AFAP1: variants seen among roughly 807,000 people sequenced by gnomAD.
AFAP1 encodes actin filament associated protein 1.
In AFAP1, 75 loss-of-function variants were observed where a neutral mutation model predicts 93.9. That is an observed-to-expected ratio of 0.80 (90% CI 0.66 to 0.97). The LOEUF (loss-of-function observed/expected upper bound fraction) is 0.97. Among genes scored for constraint, AFAP1 ranks in the 50% least tolerant of loss-of-function variants. The probability of loss-of-function intolerance (pLI) is 0.00; values close to 1 mark genes in which losing one functional copy is unlikely to be tolerated. For missense variants in AFAP1, 1,201 were observed against 1,050.8 expected (o/e 1.14, Z -1.98); for synonymous variants, 517 against 430.7 (o/e 1.20, Z -2.48).
At chr4:7,877,352 G>A (rs971267257) in intron 1 of AFAP1, among the ~76,000 whole-genome samples, 3 of 152,214 alleles carry the variant, frequency 2.0e-5, no homozygotes, top group Non-Finnish European at 4.4e-5. Flanking sequence ...AGAATGCAGC[G>A]AAGACGCACT....
At chr4:7,872,687 C>A (rs191712569) in intron 1 of AFAP1, among the ~76,000 whole-genome samples, 1 of 152,112 alleles carries the variant, frequency 6.6e-6, no homozygotes, top group South Asian at 2.1e-4. Flanking sequence ...TGGCTTAGGT[C>A]AGCAGTTTGT....
intron 4 of AFAP1, among the ~76,000 whole-genome samples, chr4:7,848,872 A>G (rs959363205): frequency 1.3e-5 from 2 of 152,250 alleles, no homozygotes; most frequent in African/African-American, 2.4e-5. Context: ...ACACTCCAGT[A>G]AACTACTATT....
In AFAP1 at chr4:7,843,121, C is replaced by A; in HGVS notation, c.546+18G>T. 1 of 1,610,410 alleles carries A rather than the reference C, an allele frequency of 6.2e-7. No individual in the cohort carries two copies. The highest frequency in any genetic ancestry group is 8.5e-7 in the Non-Finnish European group (1 of 1,177,852). The stretch of plus-strand genomic sequence containing the variant: ...GCAGCAATCTTACAAAAAATGCAAG[C>A]GATTCCAAATGTCTTACCAGCAGTT... On this transcript the variant is annotated intron_variant, in intron 5 of 17. Coordinates refer to ENST00000420658, the MANE Select transcript of AFAP1 (RefSeq NM_001134647.2).
intron 1 of AFAP1, among the ~76,000 whole-genome samples, chr4:7,906,496 T>C (rs377314542): frequency 2.6e-5 from 4 of 152,114 alleles, no homozygotes; most frequent in African/African-American, 7.2e-5. Flanking sequence ...GTCCAGCCAA[T>C]GTATTTGGGC....
chr4:7,879,946 T>C (rs1717748154), intron 1 of AFAP1, among the ~76,000 whole-genome samples: 1 of 152,046 alleles, frequency 6.6e-6, no homozygotes, highest in Non-Finnish European at 1.5e-5. Flanking sequence ...ATTCCAGACA[T>C]GCGCCCCGCC....
At chr4:7,895,335 C>T (rs1718703016) in intron 1 of AFAP1, among the ~76,000 whole-genome samples, 1 of 151,950 alleles carries the variant, frequency 6.6e-6, no homozygotes, top group African/African-American at 2.4e-5. Flanking sequence ...GTCCTTAGCT[C>T]GTAAGAAGTC....
At chr4:7,886,566 G>A (rs1718153578) in intron 1 of AFAP1, among the ~76,000 whole-genome samples, 1 of 152,160 alleles carries the variant, frequency 6.6e-6, no homozygotes, top group Admixed American at 6.6e-5. Context: ...AGTCTTCAAA[G>A]GAACTGGTGT....
At chr4:7,840,034 T>G (rs901114713) in intron 5 of AFAP1, among the ~76,000 whole-genome samples, 3 of 152,156 alleles carry the variant, frequency 2.0e-5, no homozygotes. Flanking sequence ...ATCAGCATGG[T>G]GGCTCATTCT....
chr4:7,769,817 C>A (rs1405074747), intron 16 of AFAP1, among the ~76,000 whole-genome samples: 1 of 152,214 alleles, frequency 6.6e-6, no homozygotes, highest in African/African-American at 2.4e-5. Flanking sequence ...ATGGGCAGCT[C>A]GGGGTCCCCT....
intron 1 of AFAP1, among the ~76,000 whole-genome samples, chr4:7,879,857 G>A (rs1293412890): frequency 6.6e-6 from 1 of 151,966 alleles, no homozygotes; most frequent in Non-Finnish European, 1.5e-5. Flanking sequence ...TGAAGAGACA[G>A]GGTCTCACTA....
At chr4:7,920,826 G>C (rs1243493504) in intron 1 of AFAP1, among the ~76,000 whole-genome samples, 1 of 152,080 alleles carries the variant, frequency 6.6e-6, no homozygotes, top group Admixed American at 6.6e-5. Context: ...ACTGTTTACA[G>C]GTCTGTCCCA....
chr4:7,877,075 T>TG (rs1180040882), intron 1 of AFAP1, among the ~76,000 whole-genome samples: 1 of 152,226 alleles, frequency 6.6e-6, no homozygotes. Context: ...TACTGATGAC[T>TG]GGATACTTAG....
At chr4:7,791,389 C>T (rs549124604) in intron 11 of AFAP1, among the ~76,000 whole-genome samples, 3 of 152,266 alleles carry the variant, frequency 2.0e-5, no homozygotes, top group Admixed American at 6.5e-5. Context: ...TTATCTCACC[C>T]ACCATCTCTA....
At chr4:7,799,484 G>C (rs941415361) in intron 10 of AFAP1, among the ~76,000 whole-genome samples, 12 of 152,184 alleles carry the variant, frequency 7.9e-5, no homozygotes, top group Non-Finnish European at 1.3e-4. Context: ...CACTGTGCAC[G>C]CATGTAGAGC....
At chr4:7,855,434 G>C (rs1223596400) in intron 4 of AFAP1, 32 bp downstream of exon 4, 1 of 1,497,842 alleles carries the variant, frequency 6.7e-7, no homozygotes, top group South Asian at 1.2e-5. Context: ...CAATCACAAA[G>C]GCAGCATGGC....
At position 7,939,825 on chromosome 4, in the gene AFAP1, G is replaced by A. The variant is rs753917303; in HGVS notation, c.-172C>T. ...CGCTCGAGATCCGGCTCGGCTCGCGGAGCTGCAGCCGGCGTGGGGCTGCGG... is the reference window on the plus strand; with the variant it reads ...CGCTCGAGATCCGGCTCGGCTCGCGAAGCTGCAGCCGGCGTGGGGCTGCGG... On this transcript the variant is annotated 5_prime_UTR_variant, in exon 1 of 18. Transcript: ENST00000420658. This position sits in a 1 kb window ranked among gnomAD's most constrained non-coding sequence, Gnocchi z 5.6. 36 of 293,280 alleles carry A rather than the reference G, an allele frequency of 1.2e-4. No homozygotes were observed. The highest frequency in any genetic ancestry group is 9.5e-4 in the South Asian group (36 of 37,758). The allele number at this position is 293,280 out of a possible 1,614,324, so 18.2% of individuals were successfully genotyped here.
intron 1 of AFAP1, among the ~76,000 whole-genome samples, chr4:7,917,922 C>T (rs574543881): frequency 3.3e-4 from 51 of 152,346 alleles, no homozygotes; most frequent in African/African-American, 1.2e-3. Context: ...GGCAGTGATG[C>T]CCACTCCGAC....
chr4:7,766,783 G>A (rs1457716690), intron 17 of AFAP1, among the ~76,000 whole-genome samples: 1 of 152,154 alleles, frequency 6.6e-6, no homozygotes, highest in East Asian at 1.9e-4. Context: ...CCCAGATGAA[G>A]GGAAGGGAAA....
rs567421824 is a variant in AFAP1 at position 7,939,725 on chromosome 4, G to A, written c.-72C>T. The A allele has an allele frequency of 1.7e-4, 71 of 412,694 alleles. No homozygotes were observed. The highest frequency in any genetic ancestry group is 1.2e-3 in the African/African-American group (53 of 45,772). The allele number at this position is 412,694 out of a possible 1,614,324, so 25.6% of individuals were successfully genotyped here. ...GGGCCGACTGGAGCGCAGCTGAACA[G>A]CCGACAGAGCCGCAGCCGCCTTAAC... is the stretch of plus-strand genomic sequence containing the variant. On this transcript the variant is annotated 5_prime_UTR_variant, in exon 1 of 18. Coordinates refer to ENST00000420658, the MANE Select transcript of AFAP1 (RefSeq NM_001134647.2). The surrounding 1 kb of genome is among the most constrained non-coding windows in gnomAD (Gnocchi z 5.6).
Sources: allele counts gnomAD v4.1 joint callset (sites outside exome capture counted in the v4.1 genomes callset), GRCh38; gene constraint gnomAD v4.1.1; non-coding constraint Gnocchi (gnomAD v3.1); transcripts MANE v1.5; gene names NCBI Gene and HGNC (gene_info 2026-07-23, HGNC 2026-07-21).